The following IGF2BP2 variants were observed in gnomAD, a reference collection of about 807,000 sequenced individuals.
IGF2BP2 encodes insulin-like growth factor 2 mRNA-binding protein 2.
In IGF2BP2, 17 loss-of-function variants were observed where a neutral mutation model predicts 75.8. The observed-to-expected ratio is 0.22, with a 90% CI of 0.15 to 0.34. The LOEUF (loss-of-function observed/expected upper bound fraction) is 0.34, where lower values mean the gene tolerates loss of function less well. IGF2BP2 is among the 10% of genes least tolerant of loss of function. IGF2BP2 has a pLI of 1.00. For synonymous variants in IGF2BP2, 288 were observed against 295.6 expected, an observed-to-expected ratio of 0.97 and a Z score of 0.26; for missense variants, 516 against 772.4, an observed-to-expected ratio of 0.67 and a Z score of 3.93.
intron 2 of IGF2BP2, among the ~76,000 whole-genome samples, chr3:185,764,927 A>G (rs1732850913): frequency 6.6e-6 from 1 of 152,178 alleles, no homozygotes; most frequent in African/African-American, 2.4e-5. Context: ...GGACACTGGC[A>G]CGCCTCTTCT....
At chr3:185,652,900 C>T (rs1001853155) in intron 12 of IGF2BP2, among the ~76,000 whole-genome samples, 2 of 152,156 alleles carry the variant, frequency 1.3e-5, no homozygotes, top group Non-Finnish European at 2.9e-5. Context: ...CAACCTCTAC[C>T]TCCTGGGTTC....
In IGF2BP2 at chr3:185,698,319, G is replaced by C; in HGVS notation, c.268C>G (p.Pro90Ala). 6.2e-7 allele frequency: 1 copy of C among 1,613,934 alleles called. No homozygotes were observed. The highest frequency in any genetic ancestry group is 8.5e-7 in the Non-Finnish European group (1 of 1,179,898). Reference protein sequence around the residue: ...RSRKIQIRNIPPHLQWEVLDG... With the variant: ...RSRKIQIRNIAPHLQWEVLDG... ...CTTACCTCCCACTGCAGGTGAGGAG[G>C]GATGTTTCGAATCTGAATTTTCCTG... The change falls in exon 3 of 16, where the codon CCT becomes GCT. Residue 90 changes from proline (P) to alanine (A), a missense_variant. Physicochemically the swap from Pro to Ala is conservative, Grantham distance 27. Transcript: ENST00000382199.
intron 2 of IGF2BP2, among the ~76,000 whole-genome samples, chr3:185,705,415 G>A (rs1046776999): frequency 1.3e-5 from 2 of 152,170 alleles, no homozygotes; most frequent in African/African-American, 4.8e-5. Context: ...TTTTGAGCCA[G>A]GAGAACTGCA....
intron 2 of IGF2BP2, among the ~76,000 whole-genome samples, chr3:185,805,694 T>C (rs777359587): frequency 1.3e-5 from 2 of 152,146 alleles, no homozygotes; most frequent in Non-Finnish European, 2.9e-5. Flanking sequence ...TTTGATCCTC[T>C]GTGCTCACGG....
At chr3:185,693,345 G>A (rs1254836680) in intron 4 of IGF2BP2, 2 of 152,166 alleles carry the variant, frequency 1.3e-5, no homozygotes, top group Non-Finnish European at 2.9e-5. Context: ...CAAGGTATGA[G>A]TTTTAATTAT....
intron 2 of IGF2BP2, among the ~76,000 whole-genome samples, chr3:185,786,578 A>G (rs1407977019): frequency 1.4e-5 from 2 of 140,840 alleles, no homozygotes; most frequent in Non-Finnish European, 3.0e-5. Context: ...TTTGATTGTA[A>G]TTTTCCACTA....
chr3:185,823,110 G>T (rs1741573784), intron 2 of IGF2BP2, 43 bp downstream of exon 2: 7 of 1,362,496 alleles, frequency 5.1e-6, no homozygotes, highest in East Asian at 2.4e-5. Flanking sequence ...TTACTTATAC[G>T]TAAGGCCAAT....
At chr3:185,749,169 A>G (rs950887432) in intron 2 of IGF2BP2, among the ~76,000 whole-genome samples, 1 of 152,100 alleles carries the variant, frequency 6.6e-6, no homozygotes, top group African/African-American at 2.4e-5. Flanking sequence ...GTCTAAAAGA[A>G]AAAAGAAAAA....
At chr3:185,824,596 G>T (rs1219705055) in intron 1 of IGF2BP2, among the ~76,000 whole-genome samples, 187 bp downstream of exon 1, 1 of 151,568 alleles carries the variant, frequency 6.6e-6, no homozygotes, top group Admixed American at 6.6e-5. Flanking sequence ...CCAGAGCTGT[G>T]GGGGGAGGGG....
At chr3:185,689,086 C>T in intron 6 of IGF2BP2, 1 of 417,194 alleles carries the variant, frequency 2.4e-6, no homozygotes, top group East Asian at 4.5e-5. Context: ...ATCAATGCAT[C>T]CATAAGCATT....
intron 2 of IGF2BP2, among the ~76,000 whole-genome samples, chr3:185,792,662 G>T (rs187719696): frequency 6.6e-6 from 1 of 151,410 alleles, no homozygotes; most frequent in African/African-American, 2.4e-5. Context: ...AGCTACTCGG[G>T]AGAGTGAGGC....
chr3:185,821,154 G>T, intron 2 of IGF2BP2: 1 of 1,449,008 alleles, frequency 6.9e-7, no homozygotes, highest in Non-Finnish European at 9.0e-7. Context: ...GCTAATTTCT[G>T]CATTTAAACT....
chr3:185,675,248 T>C, intron 9 of IGF2BP2, 48 bp downstream of exon 9: 1 of 1,584,180 alleles, frequency 6.3e-7, no homozygotes, highest in Non-Finnish European at 8.5e-7. Flanking sequence ...ATGGCAAGTA[T>C]TTTTAGCCTA....
chr3:185,781,058 T>A (rs1047622463), intron 2 of IGF2BP2, among the ~76,000 whole-genome samples: 7 of 152,146 alleles, frequency 4.6e-5, no homozygotes, highest in African/African-American at 1.7e-4. Flanking sequence ...ATATGTACAC[T>A]TTGGGGCTCT....
intron 2 of IGF2BP2, among the ~76,000 whole-genome samples, chr3:185,761,981 T>C (rs1732430638): frequency 1.3e-5 from 2 of 152,238 alleles, no homozygotes; most frequent in Non-Finnish European, 2.9e-5. Flanking sequence ...TAAACTGCTG[T>C]AGATATTCTA....
chr3:185,813,713 A>C (rs889720664), intron 2 of IGF2BP2, among the ~76,000 whole-genome samples: 3 of 152,210 alleles, frequency 2.0e-5, no homozygotes, highest in Non-Finnish European at 4.4e-5. Flanking sequence ...TCTGCTGCAC[A>C]TTCCAAGTAA....
intron 2 of IGF2BP2, among the ~76,000 whole-genome samples, chr3:185,791,366 G>A (rs1044412358): frequency 3.3e-5 from 5 of 152,246 alleles, no homozygotes; most frequent in African/African-American, 1.2e-4. Context: ...GAGGCACGAG[G>A]ACTGCTTAAG....
At chr3:185,652,241 C>T (rs1353939258) in intron 12 of IGF2BP2, 73 bp from the exon 13 acceptor site, 6 of 1,288,382 alleles carry the variant, frequency 4.7e-6, no homozygotes, top group African/African-American at 4.4e-5. Context: ...TCTAAGTGGA[C>T]GGCAAGCATA....
At chr3:185,731,246 C>CTTTTTTTTTTTTTTTT (rs760172663) in intron 2 of IGF2BP2, among the ~76,000 whole-genome samples, 11 of 129,250 alleles carry the variant, frequency 8.5e-5, no homozygotes, top group African/African-American at 3.2e-4. Context: ...GCATCACTTT[C>CTTTTTTTTTTTTTTTT]TTTTTTTTTT....
Sources: gnomAD v4.1 joint callset for allele counts (sites outside exome capture counted in the v4.1 genomes callset) on GRCh38, gnomAD v4.1.1 for gene constraint, MANE v1.5 for transcripts, NCBI Gene and HGNC (gene_info 2026-07-23, HGNC 2026-07-21) for gene names.